The following PAM variants were observed in gnomAD, a reference collection of about 807,000 sequenced individuals.
PAM encodes the protein peptidylglycine alpha-amidating monooxygenase.
Under a neutral mutation model 122.1 loss-of-function variants are expected in PAM, and 72 were observed. The observed-to-expected ratio is 0.59, with a 90% CI of 0.49 to 0.72. PAM has a LOEUF of 0.72. Among genes scored for constraint, PAM ranks in the 30% least tolerant of loss-of-function variants. The probability of loss-of-function intolerance (pLI) is 0.00; values close to 1 mark genes in which losing one functional copy is unlikely to be tolerated. For missense variants in PAM, 1,106 were observed against 1,183.7 expected (o/e 0.93, Z 0.96); for synonymous variants, 389 against 404.4 (o/e 0.96, Z 0.46).
chr5:103,003,538 G>A (rs964891964), intron 17 of PAM, among the ~76,000 whole-genome samples: 1 of 151,826 alleles, frequency 6.6e-6, no homozygotes, highest in Non-Finnish European at 1.5e-5. Flanking sequence ...GTATACATAT[G>A]TCATAACATC....
intron 1 of PAM, among the ~76,000 whole-genome samples, chr5:102,855,356 A>C (rs1226939389): frequency 6.6e-6 from 1 of 152,196 alleles, no homozygotes; most frequent in African/African-American, 2.4e-5. Flanking sequence ...AGGATAGCAA[A>C]ACTTTTATAA....
chr5:102,867,263 CT>C lies in PAM; in HGVS notation c.90-4del. On this transcript the variant is annotated splice_polypyrimidine_tract_variant and intron_variant, in intron 2 of 25. Transcript: ENST00000438793. The stretch of plus-strand genomic sequence containing the variant: ...TGTTCAAGAATATTGAAATTGCCCT[CT>C]TTTTTAAGGTTTAAAGAAACTACCA... 1 of 1,587,836 alleles carries C rather than the reference CT, an allele frequency of 6.3e-7. No individual in the cohort carries two copies. Among genetic ancestry groups the C allele is most frequent in the South Asian group, 1.1e-5 (1 of 89,736 alleles).
intron 5 of PAM, among the ~76,000 whole-genome samples, chr5:102,917,512 A>C (rs1036781052): frequency 2.6e-5 from 4 of 152,220 alleles, no homozygotes; most frequent in African/African-American, 9.6e-5. Flanking sequence ...CTTATAAGGA[A>C]ATACAAAGCT....
rs374990659 is a variant in PAM, at chr5:102,800,093, A to T, written c.-374+44745A>T. On this transcript the variant is annotated intron_variant, in intron 1 of 25. Coordinates refer to ENST00000438793, the MANE Select transcript of PAM (RefSeq NM_001177306.2). ...ATGGGTATCTAAACTTATTGTACTC[A>T]CTATTCACTGTCCTCCAGCCACACT... 1.4e-4 allele frequency among the ~76,000 whole-genome samples: 22 copies of T among 152,240 alleles called. No individual in the cohort carries two copies. In the East Asian group the frequency reaches 2.3e-3, roughly 16 times the overall value.
chr5:102,915,644 G>A (rs1173449929), intron 5 of PAM, among the ~76,000 whole-genome samples: 1 of 152,064 alleles, frequency 6.6e-6, no homozygotes, highest in South Asian at 2.1e-4. Context: ...AATTTCTTCT[G>A]AAATTACCAA....
chr5:103,002,525 A>G (rs1213464698), intron 16 of PAM, among the ~76,000 whole-genome samples: 1 of 152,110 alleles, frequency 6.6e-6, no homozygotes, highest in Non-Finnish European at 1.5e-5. Context: ...TCTCTATAAT[A>G]TGTATATGCA....
intron 1 of PAM, among the ~76,000 whole-genome samples, chr5:102,859,862 A>G (rs1561655707): frequency 6.6e-6 from 1 of 152,168 alleles, no homozygotes; most frequent in Non-Finnish European, 1.5e-5. Flanking sequence ...TGTTTCCAGT[A>G]TTCACTATAG....
intron 1 of PAM, among the ~76,000 whole-genome samples, chr5:102,780,759 CTTTCTTTCTTTCTTTCTT>C (rs1758577108): frequency 3.7e-5 from 1 of 27,150 alleles, no homozygotes; most frequent in Non-Finnish European, 8.2e-5. Flanking sequence ...CTTTCTCTTT[CTTTCTTTCTTTCTTTCTT>C]TCTTTCTTTC....
At position 102,926,598 on chromosome 5, in the gene PAM, A is replaced by G; in HGVS notation, c.456A>G (p.Arg152=). ...GTAAATCTTTAGGTGTTGGATTCAGAGTTGGAGGAGAGACTGGAAGTAAAT... is the reference window on the plus strand; with the variant it reads ...GTAAATCTTTAGGTGTTGGATTCAGGGTTGGAGGAGAGACTGGAAGTAAAT... ...PTRLPKGVGF[R]VGGETGSKYF... is the part of the protein sequence containing the mutation. Residue 152 remains arginine, a synonymous_variant, in exon 7 of 26, where the codon AGA becomes AGG. Coordinates refer to ENST00000438793, the MANE Select transcript of PAM (RefSeq NM_001177306.2). 1 of 1,581,664 alleles carries G rather than the reference A, an allele frequency of 6.3e-7. No homozygotes were observed. The highest frequency in any genetic ancestry group is 8.7e-7 in the Non-Finnish European group (1 of 1,150,734).
At chr5:103,017,466 T>G in intron 22 of PAM, 33 bp downstream of exon 22, 1 of 1,318,856 alleles carries the variant, frequency 7.6e-7, no homozygotes, top group East Asian at 2.3e-5. Context: ...GTTCACATTT[T>G]CCCTCAGTTT....
chr5:102,958,673 CT>C lies in PAM; in HGVS notation c.906-1200del, dbSNP rs370604146. Among the ~76,000 whole-genome samples, 1,284 of 152,246 alleles carry C rather than the reference CT, an allele frequency of 8.4e-3. 21 individuals are homozygous for C. Among genetic ancestry groups the C allele is most frequent in the South Asian group, 0.059 (283 of 4,828 alleles). On this transcript the variant is annotated intron_variant, in intron 12 of 25. Coordinates refer to ENST00000438793, the MANE Select transcript of PAM (RefSeq NM_001177306.2). ...AATGATTTCTAAAGCATAAACAGAG[CT>C]TCCCATGGCAGGGGCTTATTCCTGT...
intron 5 of PAM, 147 bp downstream of exon 5, chr5:102,914,168 TATC>T (rs10608052): frequency 0.29 from 171,058 of 599,806 alleles, 26,021 homozygotes; most frequent in East Asian, 0.43. Context: ...ATCACGTGGT[TATC>T]ATGGTTTATC....
intron 16 of PAM, among the ~76,000 whole-genome samples, chr5:102,995,160 C>A (rs1775305681): frequency 1.3e-5 from 2 of 152,106 alleles, no homozygotes; most frequent in South Asian, 4.1e-4. Context: ...CGATTTCTTT[C>A]CTACCTTAGG....
chr5:102,876,289 G>A (rs184381261), intron 3 of PAM, among the ~76,000 whole-genome samples: 1 of 152,106 alleles, frequency 6.6e-6, no homozygotes, highest in East Asian at 1.9e-4. Context: ...CTCTTTCCTG[G>A]ATTATTATAA....
At chr5:102,991,308 A>G (rs1295597723) in intron 16 of PAM, among the ~76,000 whole-genome samples, 1 of 152,226 alleles carries the variant, frequency 6.6e-6, no homozygotes, top group Non-Finnish European at 1.5e-5. Context: ...AACAATTTTT[A>G]AAAGCTAAAC....
intron 1 of PAM, among the ~76,000 whole-genome samples, chr5:102,786,297 T>G (rs1242122381): frequency 6.6e-6 from 1 of 152,228 alleles, no homozygotes; most frequent in African/African-American, 2.4e-5. Context: ...CTTCATTTCC[T>G]AATATGCAAA....
chr5:102,937,343 A>G (rs1173832725), intron 7 of PAM, among the ~76,000 whole-genome samples: 1 of 152,160 alleles, frequency 6.6e-6, no homozygotes, highest in African/African-American at 2.4e-5. Flanking sequence ...GACACTAGAA[A>G]TGGAAAGGAA....
intron 4 of PAM, among the ~76,000 whole-genome samples, chr5:102,905,011 T>A (rs1278340542): frequency 2.0e-5 from 3 of 151,630 alleles, no homozygotes; most frequent in Non-Finnish European, 3.0e-5. Context: ...TGAATTACAG[T>A]AGGTGTTTGA....
intron 24 of PAM, among the ~76,000 whole-genome samples, chr5:103,026,972 CAGGAATGTG>C (rs1222299447): frequency 1.3e-5 from 2 of 152,092 alleles, no homozygotes; most frequent in African/African-American, 4.8e-5. Context: ...GCTGACTTTA[CAGGAATGTG>C]TTAGGAAGGT....
Sources: gnomAD v4.1 joint callset for allele counts (sites outside exome capture counted in the v4.1 genomes callset) on GRCh38, gnomAD v4.1.1 for gene constraint, MANE v1.5 for transcripts, NCBI Gene and HGNC (gene_info 2026-07-23, HGNC 2026-07-21) for gene names.